The following HFM1 variants were observed in gnomAD, a reference collection of about 807,000 sequenced individuals.
HFM1 encodes the protein helicase for meiosis 1, also known as probable ATP-dependent DNA helicase HFM1.
HFM1 carries 169 observed loss-of-function variants against 192.1 expected under a neutral mutation model. The observed-to-expected ratio is 0.88, with a 90% CI of 0.78 to 1.00. The LOEUF (loss-of-function observed/expected upper bound fraction) is 1.00, where lower values mean the gene tolerates loss of function less well. HFM1 is among the 50% of genes least tolerant of loss of function. The pLI is 0.00. For synonymous variants in HFM1, 525 were observed against 537.8 expected (o/e 0.98, Z 0.33); for missense variants, 1,661 against 1,668.0 (o/e 1.00, Z 0.07).
intron 13 of HFM1, among the ~76,000 whole-genome samples, chr1:91,353,801 A>G (rs1439924169): frequency 6.6e-6 from 1 of 151,592 alleles, no homozygotes; most frequent in African/African-American, 2.4e-5. Context: ...GAGCAAAACA[A>G]TGAATAAACA....
Position 91,314,672 on chromosome 1 carries a change from A to C in HFM1, c.3141-612T>G, listed in dbSNP as rs191991561. Among the ~76,000 whole-genome samples, 3 of 152,344 alleles carry C rather than the reference A, an allele frequency of 2.0e-5. No homozygotes were observed. In the East Asian group the frequency reaches 5.8e-4, roughly 29 times the overall value. On this transcript the variant is annotated intron_variant, in intron 28 of 38. Coordinates refer to ENST00000370425, the MANE Select transcript of HFM1 (RefSeq NM_001017975.6). The stretch of plus-strand genomic sequence containing the variant: ...CTTGCCCCTAAATCACTACCATTTT[A>C]AACTGGCTATACGTTATGAGAACAA...
chr1:91,282,812 G>A (rs1320183539), intron 30 of HFM1, among the ~76,000 whole-genome samples: 1 of 152,160 alleles, frequency 6.6e-6, no homozygotes, highest in Non-Finnish European at 1.5e-5. Context: ...TTAAAATGAA[G>A]AATAAAGAGT....
At chr1:91,302,914 C>T (rs1649047748) in intron 30 of HFM1, among the ~76,000 whole-genome samples, 1 of 151,614 alleles carries the variant, frequency 6.6e-6, no homozygotes, top group African/African-American at 2.4e-5. Flanking sequence ...GCACATGTAC[C>T]CTAAAAGTAT....
At chr1:91,398,999 C>T (rs1041241292) in intron 2 of HFM1, among the ~76,000 whole-genome samples, 2 of 152,152 alleles carry the variant, frequency 1.3e-5, no homozygotes, top group African/African-American at 4.8e-5. Flanking sequence ...CGTCACTCCT[C>T]ACCCTCATTC....
intron 25 of HFM1, among the ~76,000 whole-genome samples, chr1:91,318,634 GTTA>G (rs1417230839): frequency 6.6e-6 from 1 of 151,686 alleles, no homozygotes; most frequent in Non-Finnish European, 1.5e-5. Flanking sequence ...ATACCCTACT[GTTA>G]TTGAAAACAA....
chr1:91,351,660 CAG>C lies in HFM1; in HGVS notation c.1978-19_1978-18del, dbSNP rs762894805. On this transcript the variant is annotated intron_variant, in intron 16 of 38. Coordinates refer to ENST00000370425, the MANE Select transcript of HFM1 (RefSeq NM_001017975.6). ...AGTGTCAAACTGGGGAGAAAACAAA[CAG>C]AAATTTAGTGAAGAAGAGCACATCT... 4 of 1,447,924 alleles carry C rather than the reference CAG, an allele frequency of 2.8e-6. No homozygotes were observed. Among genetic ancestry groups the C allele is most frequent in the Non-Finnish European group, 2.9e-6 (3 of 1,045,484 alleles). The allele number at this position is 1,447,924 out of a possible 1,614,324, so 89.7% of individuals were successfully genotyped here. A position where few individuals can be genotyped will look rare whatever the true frequency, so the allele number is the denominator to read the frequency against.
intron 30 of HFM1, among the ~76,000 whole-genome samples, chr1:91,306,326 C>G (rs182590397): frequency 1.6e-3 from 251 of 152,294 alleles, no homozygotes; most frequent in Non-Finnish European, 2.6e-3. Flanking sequence ...GGGTGAAACT[C>G]TGTCTCAAAA....
chr1:91,395,464 G>C (rs1426379464), intron 3 of HFM1, among the ~76,000 whole-genome samples: 1 of 152,066 alleles, frequency 6.6e-6, no homozygotes, highest in African/African-American at 2.4e-5. Context: ...GGGTATGTAT[G>C]TATTTAGAGA....
At chr1:91,264,765 T>G (rs1665588588) in intron 36 of HFM1, among the ~76,000 whole-genome samples, 2 of 152,132 alleles carry the variant, frequency 1.3e-5, no homozygotes, top group Non-Finnish European at 2.9e-5. Context: ...AATTTTGGCT[T>G]TGGCCATCAT....
intron 30 of HFM1, among the ~76,000 whole-genome samples, chr1:91,298,233 A>C (rs980792418): frequency 6.6e-6 from 1 of 152,210 alleles, no homozygotes; most frequent in African/African-American, 2.4e-5. Context: ...AGAGAAGTTT[A>C]GAGAAAAAAG....
chr1:91,401,125 A>C lies in HFM1; in HGVS notation c.-27-16T>G. ...TGTCATAAATCTACAAAATATGGAA[A>C]AAGTAGTTTATATTTTATTTATAAA... On this transcript the variant is annotated splice_polypyrimidine_tract_variant and intron_variant, in intron 1 of 38. Coordinates refer to ENST00000370425, the MANE Select transcript of HFM1 (RefSeq NM_001017975.6). 1.9e-6 allele frequency: 2 copies of C among 1,067,030 alleles called. No individual in the cohort carries two copies. The highest frequency in any genetic ancestry group is 1.4e-6 in the Non-Finnish European group (1 of 730,496). 66.1% of individuals were successfully genotyped at this position (1,067,030 alleles called of 1,614,324 possible).
At chr1:91,312,096 C>CCCA (rs1200104433) in intron 30 of HFM1, among the ~76,000 whole-genome samples, 1 of 152,158 alleles carries the variant, frequency 6.6e-6, no homozygotes, top group Non-Finnish European at 1.5e-5. Context: ...TGCCTGGATG[C>CCCA]CCAGGCAAAA....
In HFM1 at chr1:91,385,688, T is replaced by C. The variant is rs1317192021; in HGVS notation, c.641A>G (p.Gln214Arg). The change falls in exon 5 of 39, where the codon CAG becomes CGG. Residue 214 changes from glutamine to arginine, a missense_variant. Transcript: ENST00000370425. ...RNYSNSKQKF[Q>R]YSANVFTANN... is the part of the protein sequence containing the mutation. ...TGCTGTAAACACATTTGCAGAATAC[T>C]GAAATTTTTGCTTACTATTGCTATA... The C allele has an allele frequency of 1.9e-6, 3 of 1,612,814 alleles. No individual in the cohort carries two copies. In the Admixed American group the frequency reaches 5.0e-5, roughly 27 times the overall value.
intron 30 of HFM1, among the ~76,000 whole-genome samples, chr1:91,277,738 AAT>A (rs1473542740): frequency 2.9e-5 from 2 of 68,234 alleles, no homozygotes; most frequent in Admixed American, 1.9e-4. Context: ...TAATATATAT[AAT>A]ATATATACTT....
chr1:91,314,966 T>C (rs1650989246), intron 28 of HFM1, among the ~76,000 whole-genome samples: 1 of 152,196 alleles, frequency 6.6e-6, no homozygotes, highest in African/African-American at 2.4e-5. Context: ...TCTTCCAGTA[T>C]ACTGGCACAA....
chr1:91,319,186 G>C lies in HFM1; in HGVS notation c.2704C>G (p.Gln902Glu), dbSNP rs759913049. ...TRWLSDFVAA[Q>E]EKKFAVLLNS... The stretch of plus-strand genomic sequence containing the variant: ...AATAGTACAGCAAACTTCTTTTCTT[G>C]AGCAGCTACAAAATCTGACAACCCT... The change falls in exon 25 of 39, where the codon CAA (glutamine) becomes GAA (glutamate). Residue 902 changes from glutamine (Q) to glutamate (E), a missense_variant. Transcript: ENST00000370425. 5 of 1,607,846 alleles carry C rather than the reference G, an allele frequency of 3.1e-6. No homozygotes were observed. In the Admixed American group the frequency reaches 8.5e-5, roughly 27 times the overall value.
intron 13 of HFM1, among the ~76,000 whole-genome samples, chr1:91,358,447 C>G (rs1400714108): frequency 6.6e-6 from 1 of 151,992 alleles, no homozygotes; most frequent in Non-Finnish European, 1.5e-5. Context: ...TGCATAAAAA[C>G]AGAAACACAG....
At chr1:91,342,110 C>T (rs375084968) in intron 20 of HFM1, among the ~76,000 whole-genome samples, 21 of 116,254 alleles carry the variant, frequency 1.8e-4, no homozygotes, top group Admixed American at 1.6e-3. Flanking sequence ...CATTCTGATA[C>T]CAAAACTTGG....
At chr1:91,327,927 T>C (rs1043426601) in intron 20 of HFM1, among the ~76,000 whole-genome samples, 11 of 151,986 alleles carry the variant, frequency 7.2e-5, no homozygotes, top group Admixed American at 2.0e-4. Context: ...CAAATGATAA[T>C]GGAAACACAA....
Sources: allele counts gnomAD v4.1 joint callset (sites outside exome capture counted in the v4.1 genomes callset), GRCh38; gene constraint gnomAD v4.1.1; transcripts MANE v1.5; gene names NCBI Gene and HGNC (gene_info 2026-07-23, HGNC 2026-07-21).